OR7E24: variants seen among roughly 807,000 people sequenced by gnomAD.
OR7E24 encodes olfactory receptor family 7 subfamily E member 24.
For missense variants in OR7E24, 385 were observed against 410.3 expected (o/e 0.94, Z 0.53); for synonymous variants, 130 against 157.5 (o/e 0.83, Z 1.31).
the OR7E24 span, among the ~76,000 whole-genome samples, chr19:9,220,715 T>C: frequency 3.3e-5 from 5 of 152,328 alleles, no homozygotes; most frequent in African/African-American, 1.2e-4. Flanking sequence ...TCGTTTCTTA[T>C]TGATATATAC....
the OR7E24 span, among the ~76,000 whole-genome samples, chr19:9,220,066 T>A: frequency 9.2e-5 from 14 of 151,996 alleles, no homozygotes; most frequent in African/African-American, 3.4e-4. Context: ...TATATTTTTT[T>A]AAATTATAGA....
At chr19:9,214,583 G>C in the OR7E24 span, 2 of 1,614,146 alleles carry the variant, frequency 1.2e-6, no homozygotes, top group South Asian at 2.2e-5. Flanking sequence ...TCCGTGCCTG[G>C]ATGCTCACTA....
chr19:9,240,886 C>T, the OR7E24 span, among the ~76,000 whole-genome samples: 1 of 151,672 alleles, frequency 6.6e-6, no homozygotes, highest in South Asian at 2.1e-4. Context: ...GGTGTGATCT[C>T]GGCTCTCTGC....
chr19:9,235,239 G>A, the OR7E24 span: 3 of 1,512,566 alleles, frequency 2.0e-6, no homozygotes, highest in Non-Finnish European at 2.8e-6. Flanking sequence ...GGCTGTTCCT[G>A]TCCATGTACC....
At chr19:9,228,724 AC>A in the OR7E24 span, among the ~76,000 whole-genome samples, 1 of 152,210 alleles carries the variant, frequency 6.6e-6, no homozygotes, top group African/African-American at 2.4e-5. Flanking sequence ...AGGAAGGACT[AC>A]TTTGGAGTAG....
At chr19:9,243,103 G>A (rs889345706), upstream of OR7E24, among the ~76,000 whole-genome samples, 4 of 152,162 alleles carry the variant, frequency 2.6e-5, no homozygotes, top group African/African-American at 4.8e-5. Context: ...GGAAGCCACA[G>A]AATGTGGACT....
At chr19:9,221,340 C>CTTTTTTT in the OR7E24 span, among the ~76,000 whole-genome samples, 3 of 81,180 alleles carry the variant, frequency 3.7e-5, 1 homozygote, top group African/African-American at 2.2e-4. Context: ...GTCTTTTGCC[C>CTTTTTTT]TTTTTTTTTT....
At chr19:9,228,329 CTG>C in the OR7E24 span, among the ~76,000 whole-genome samples, 2 of 152,148 alleles carry the variant, frequency 1.3e-5, no homozygotes, top group Non-Finnish European at 2.9e-5. Context: ...TAGTCAGTAT[CTG>C]TGTATTCAAA....
At chr19:9,215,341 C>CAAAAAA in the OR7E24 span, among the ~76,000 whole-genome samples, 2 of 83,132 alleles carry the variant, frequency 2.4e-5, no homozygotes, top group Non-Finnish European at 2.6e-5. Context: ...GACTCCGTCT[C>CAAAAAA]AAAAAAAAAA....
At chr19:9,226,882 C>A in the OR7E24 span, among the ~76,000 whole-genome samples, 5 of 152,132 alleles carry the variant, frequency 3.3e-5, no homozygotes, top group African/African-American at 1.2e-4. Context: ...CTTCTACTTT[C>A]CACCCTTGAT....
the OR7E24 span, chr19:9,213,906 C>T: frequency 3.1e-6 from 5 of 1,613,110 alleles, no homozygotes; most frequent in East Asian, 1.1e-4. Flanking sequence ...TTGTCATGGA[C>T]AAGAGTCGGC....
chr19:9,213,954 T>G, the OR7E24 span: 1 of 1,614,136 alleles, frequency 6.2e-7, no homozygotes, highest in Middle Eastern at 1.6e-4. Flanking sequence ...CTTCACATCC[T>G]TGTTCCTCAG....
At chr19:9,222,616 T>C in the OR7E24 span, among the ~76,000 whole-genome samples, 1 of 152,186 alleles carries the variant, frequency 6.6e-6, no homozygotes, top group South Asian at 2.1e-4. Flanking sequence ...GCTGTTAGTA[T>C]ATAGAAACAC....
At chr19:9,235,639 C>G in the OR7E24 span, 2 of 1,584,934 alleles carry the variant, frequency 1.3e-6, no homozygotes, top group Non-Finnish European at 1.7e-6. Flanking sequence ...GATGAAGAGG[C>G]TGACCTTCTC....
the OR7E24 span, among the ~76,000 whole-genome samples, chr19:9,239,528 G>A: frequency 1.3e-5 from 2 of 151,906 alleles, no homozygotes; most frequent in African/African-American, 4.8e-5. Context: ...ATGTCATTGA[G>A]GTTTGAATTT....
chr19:9,214,185 T>G, the OR7E24 span: 2 of 1,613,800 alleles, frequency 1.2e-6, no homozygotes, highest in Admixed American at 3.3e-5. Context: ...AATCTGAGAG[T>G]AGGAGAAGAG....
chr19:9,241,190 C>G, the OR7E24 span, among the ~76,000 whole-genome samples: 1 of 152,078 alleles, frequency 6.6e-6, no homozygotes, highest in East Asian at 1.9e-4. Context: ...TCCTTTGCAT[C>G]GAGTTTGTTC....
At chr19:9,221,480 A>G in the OR7E24 span, among the ~76,000 whole-genome samples, 7 of 145,786 alleles carry the variant, frequency 4.8e-5, no homozygotes, top group Admixed American at 2.1e-4. Context: ...CCTCCCGAGT[A>G]GCTGGGATTA....
chr19:9,241,886 T>C, the OR7E24 span, among the ~76,000 whole-genome samples: 2 of 152,224 alleles, frequency 1.3e-5, no homozygotes, highest in African/African-American at 4.8e-5. Flanking sequence ...TTTTGCTACA[T>C]GTTTTTACTT....
Sources: allele counts gnomAD v4.1 joint callset (sites outside exome capture counted in the v4.1 genomes callset), GRCh38; gene constraint gnomAD v4.1.1; transcripts MANE v1.5; gene names NCBI Gene and HGNC (gene_info 2026-07-23, HGNC 2026-07-21).